The following NBEA variants were observed in gnomAD, a reference collection of about 807,000 sequenced individuals.
The protein encoded by NBEA is neurobeachin, also known as lysosomal-trafficking regulator 2.
NBEA carries 44 observed loss-of-function variants against 343.4 expected under a neutral mutation model. The observed-to-expected ratio is 0.13, with a 90% confidence interval of 0.10 to 0.16. The LOEUF (loss-of-function observed/expected upper bound fraction) is 0.16, where lower values mean the gene tolerates loss of function less well. Among genes scored for constraint, NBEA ranks in the 10% least tolerant of loss-of-function variants. The probability of loss-of-function intolerance (pLI) is 1.00; values close to 1 mark genes in which losing one functional copy is unlikely to be tolerated. For synonymous variants in NBEA, 1,175 were observed against 1,238.7 expected (o/e 0.95, Z 1.08); for missense variants, 2,555 against 3,631.3 (o/e 0.70, Z 7.62).
At chr13:34,999,352 A>C (rs2061045230) in intron 1 of NBEA, among the ~76,000 whole-genome samples, 1 of 152,052 alleles carries the variant, frequency 6.6e-6, no homozygotes, top group African/African-American at 2.4e-5. Flanking sequence ...CTTTTCAATA[A>C]AAAAATTTTG....
intron 31 of NBEA, among the ~76,000 whole-genome samples, chr13:35,200,777 G>T (rs911585983): frequency 1.3e-4 from 20 of 151,848 alleles, no homozygotes; most frequent in Non-Finnish European, 2.7e-4. Flanking sequence ...AAGCAACTTA[G>T]ATAGACTTCA....
chr13:35,559,194 C>G (rs2079735720), intron 44 of NBEA, among the ~76,000 whole-genome samples: 1 of 152,146 alleles, frequency 6.6e-6, no homozygotes, highest in Admixed American at 6.5e-5. Flanking sequence ...GTTAGGGCAG[C>G]AATTAGATTT....
chr13:35,410,944 A>G (rs769949302), intron 38 of NBEA, among the ~76,000 whole-genome samples: 1 of 152,156 alleles, frequency 6.6e-6, no homozygotes, highest in Non-Finnish European at 1.5e-5. Context: ...GACTTTCTCA[A>G]CACACTCTCA....
intron 41 of NBEA, among the ~76,000 whole-genome samples, chr13:35,502,809 T>G (rs1427397660): frequency 6.6e-6 from 1 of 152,098 alleles, no homozygotes; most frequent in Non-Finnish European, 1.5e-5. Flanking sequence ...GCAAATAGAT[T>G]TGGGAAAAAG....
intron 1 of NBEA, among the ~76,000 whole-genome samples, chr13:35,031,314 AAGG>A (rs1177467696): frequency 3.3e-5 from 5 of 151,686 alleles, no homozygotes; most frequent in Non-Finnish European, 4.4e-5. Flanking sequence ...AATGAACAAA[AAGG>A]AGTTTTATAG....
intron 41 of NBEA, among the ~76,000 whole-genome samples, chr13:35,541,710 C>G (rs1024008128): frequency 5.6e-5 from 8 of 141,826 alleles, no homozygotes. Flanking sequence ...AAGATTAGAA[C>G]CAGAGGTCTG....
intron 1 of NBEA, among the ~76,000 whole-genome samples, chr13:34,963,018 T>G (rs1471617380): frequency 6.6e-6 from 1 of 152,038 alleles, no homozygotes; most frequent in African/African-American, 2.4e-5. Context: ...ATTACTGATT[T>G]AATGTGGGAT....
At chr13:35,144,389 G>A (rs1162838184) in intron 18 of NBEA, among the ~76,000 whole-genome samples, 8 of 152,158 alleles carry the variant, frequency 5.3e-5, no homozygotes, top group Admixed American at 5.2e-4. Flanking sequence ...GTGTGATTTA[G>A]TATGTCAGTG....
At chr13:35,502,106 TCA>T (rs1426835777) in intron 41 of NBEA, among the ~76,000 whole-genome samples, 1 of 152,102 alleles carries the variant, frequency 6.6e-6, no homozygotes, top group Non-Finnish European at 1.5e-5. Context: ...TGGACAGAAA[TCA>T]CAGGAAACAA....
intron 11 of NBEA, among the ~76,000 whole-genome samples, chr13:35,108,954 C>T (rs188050532): frequency 6.6e-6 from 1 of 152,094 alleles, no homozygotes; most frequent in Admixed American, 6.6e-5. Context: ...ATTTCTATGT[C>T]TAAGATCTCT....
chr13:35,256,812 G>A (rs1311414740), intron 34 of NBEA, among the ~76,000 whole-genome samples: 1 of 152,204 alleles, frequency 6.6e-6, no homozygotes, highest in African/African-American at 2.4e-5. Flanking sequence ...AGGAGTAGGG[G>A]GAGCCCAGGC....
intron 38 of NBEA, among the ~76,000 whole-genome samples, chr13:35,420,521 G>T (rs1196879107): frequency 6.6e-6 from 1 of 151,810 alleles, no homozygotes; most frequent in Non-Finnish European, 1.5e-5. Flanking sequence ...GGTGATGTTA[G>T]CTATAATAAT....
intron 13 of NBEA, among the ~76,000 whole-genome samples, chr13:35,114,178 C>G (rs1307092507): frequency 5.3e-5 from 8 of 151,972 alleles, no homozygotes; most frequent in Non-Finnish European, 1.0e-4. Context: ...GTGGACAGAT[C>G]TAGGAAATGA....
At chr13:35,222,499 T>C (rs2074424713) in intron 33 of NBEA, among the ~76,000 whole-genome samples, 1 of 152,158 alleles carries the variant, frequency 6.6e-6, no homozygotes, top group South Asian at 2.1e-4. Context: ...AAATTGTTAC[T>C]TTCCATCTGT....
intron 38 of NBEA, among the ~76,000 whole-genome samples, chr13:35,423,811 C>A (rs1199638942): frequency 2.0e-5 from 3 of 152,050 alleles, no homozygotes; most frequent in South Asian, 4.1e-4. Context: ...TTGTTTGTAT[C>A]CTCTTTTATT....
intron 41 of NBEA, among the ~76,000 whole-genome samples, chr13:35,486,598 T>C (rs1023332898): frequency 6.6e-6 from 1 of 152,026 alleles, no homozygotes; most frequent in Admixed American, 6.6e-5. Context: ...ACACAGGTAA[T>C]TGCAGAGCCA....
intron 44 of NBEA, among the ~76,000 whole-genome samples, chr13:35,562,950 T>C (rs1240893098): frequency 6.6e-6 from 1 of 152,020 alleles, no homozygotes; most frequent in Non-Finnish European, 1.5e-5. Context: ...AATTGGATGG[T>C]TTAATTAAAA....
intron 46 of NBEA, among the ~76,000 whole-genome samples, chr13:35,587,861 C>A (rs557297163): frequency 3.3e-5 from 5 of 152,220 alleles, no homozygotes; most frequent in Middle Eastern, 6.8e-3. Context: ...GCACATTTAT[C>A]CTACACATGC....
intron 36 of NBEA, among the ~76,000 whole-genome samples, chr13:35,324,988 T>A (rs112409654): frequency 8.5e-5 from 13 of 152,238 alleles, no homozygotes; most frequent in African/African-American, 3.1e-4. Flanking sequence ...CTAATTTTAG[T>A]TGGAAAAGAT....
Sources: allele counts gnomAD v4.1 joint callset (sites outside exome capture counted in the v4.1 genomes callset), GRCh38; gene constraint gnomAD v4.1.1; transcripts MANE v1.5; gene names NCBI Gene and HGNC (gene_info 2026-07-23, HGNC 2026-07-21).